UBAP2: variants seen among roughly 807,000 people sequenced by gnomAD.
UBAP2 encodes ubiquitin associated protein 2.
In UBAP2, 75 loss-of-function variants were observed where a neutral mutation model predicts 139.6. The ratio of observed to expected loss-of-function variants is 0.54; its 90% CI spans 0.45 to 0.65. The LOEUF (loss-of-function observed/expected upper bound fraction) is 0.65. Ranked by LOEUF, UBAP2 falls within the 30% of genes least tolerant of loss-of-function variation. UBAP2 has a pLI of 0.00. For missense variants in UBAP2, 1,368 were observed against 1,369.6 expected (o/e 1.00, Z 0.02); for synonymous variants, 526 against 526.2 (o/e 1.00, Z 0.01).
chr9:33,944,067 G>A (rs1345349836), intron 14 of UBAP2, among the ~76,000 whole-genome samples: 5 of 152,086 alleles, frequency 3.3e-5, no homozygotes, highest in African/African-American at 9.7e-5. Context: ...AGTATCACCT[G>A]GTCAAGGAAC....
At chr9:34,006,461 C>T (rs1823229377) in intron 2 of UBAP2, among the ~76,000 whole-genome samples, 5 of 152,126 alleles carry the variant, frequency 3.3e-5, no homozygotes. Flanking sequence ...AGGCAGATTG[C>T]TCGAGCTCAG....
At chr9:33,960,959 T>C in intron 9 of UBAP2, 81 bp from the exon 10 acceptor site, 1 of 1,401,022 alleles carries the variant, frequency 7.1e-7, no homozygotes. Flanking sequence ...TTTTGTGTAC[T>C]ATGCGGGGAA....
Position 33,943,312 on chromosome 9 carries a change from G to A in UBAP2, c.1715+108C>T, listed in dbSNP as rs2130932465. ...GGGTTTCTTATGGAGATGATGGAAG[G>A]TCTGGATAAACACTGAGGATAGCTA... On this transcript the variant is annotated intron_variant, in intron 15 of 28. Coordinates refer to ENST00000379238, the MANE Select transcript of UBAP2 (RefSeq NM_001370062.2). 5 of 1,122,320 alleles carry A rather than the reference G, an allele frequency of 4.5e-6. No individual in the cohort carries two copies. In the South Asian group the frequency reaches 8.8e-5, roughly 20 times the overall value. The allele number at this position is 1,122,320 out of a possible 1,614,324, so 69.5% of individuals were successfully genotyped here. A position where few individuals can be genotyped will look rare whatever the true frequency, so the allele number is the denominator to read the frequency against.
intron 2 of UBAP2, among the ~76,000 whole-genome samples, chr9:34,001,336 G>A (rs986575474): frequency 6.6e-6 from 1 of 152,176 alleles, no homozygotes; most frequent in Non-Finnish European, 1.5e-5. Context: ...CACAAAGAAG[G>A]TTGGGAGTTT....
intron 2 of UBAP2, among the ~76,000 whole-genome samples, chr9:34,001,592 C>T (rs960310801): frequency 1.3e-5 from 2 of 152,168 alleles, no homozygotes; most frequent in African/African-American, 4.8e-5. Context: ...ACTTTTTTAC[C>T]GTAACCCTTG....
intron 6 of UBAP2, among the ~76,000 whole-genome samples, chr9:33,981,150 TATATATATTCTGG>T (rs1258137749): frequency 2.4e-5 from 1 of 41,962 alleles, no homozygotes; most frequent in East Asian, 5.7e-4. Context: ...TGGATATATA[TATATATATTCTGG>T]ATATATATAT....
rs890058890 is a variant in UBAP2, at chr9:33,945,224, C to T, written c.1271-585G>A. Among the ~76,000 whole-genome samples, 8 of 151,966 alleles carry T rather than the reference C, an allele frequency of 5.3e-5. No individual in the cohort carries two copies. In the South Asian group the frequency reaches 1.0e-3, roughly 20 times the overall value. ...TTACAAAATCCAAAAGATGGCTGGG[C>T]GCAGTGGCTCACGCCTGTAATCCCA... is the stretch of plus-strand genomic sequence containing the variant. On this transcript the variant is annotated intron_variant, in intron 13 of 28. Coordinates refer to ENST00000379238, the MANE Select transcript of UBAP2 (RefSeq NM_001370062.2).
chr9:33,944,236 A>C, intron 14 of UBAP2, 129 bp downstream of exon 14: 1 of 1,265,168 alleles, frequency 7.9e-7, no homozygotes, highest in Non-Finnish European at 1.1e-6. Flanking sequence ...CCATATCCTT[A>C]TTATGCAATC....
At chr9:33,927,178 A>C in intron 20 of UBAP2, 98 bp from the exon 21 acceptor site, 1 of 895,520 alleles carries the variant, frequency 1.1e-6, no homozygotes, top group East Asian at 2.6e-5. Context: ...GAGCTACCCC[A>C]GATGGGTTCA....
chr9:33,952,145 A>T (rs904121175), intron 12 of UBAP2, among the ~76,000 whole-genome samples: 2 of 152,244 alleles, frequency 1.3e-5, no homozygotes, highest in African/African-American at 4.8e-5. Flanking sequence ...TTTCTCAGCA[A>T]TAAATTTCAG....
At chr9:33,933,251 C>G (rs1270547275) in intron 18 of UBAP2, among the ~76,000 whole-genome samples, 1 of 152,166 alleles carries the variant, frequency 6.6e-6, no homozygotes, top group African/African-American at 2.4e-5. Flanking sequence ...TGGCCTCACC[C>G]TACTCCCAGG....
In UBAP2 at chr9:33,925,615, C is replaced by T. The variant is rs570742555; in HGVS notation, c.2511+1002G>A. Among the ~76,000 whole-genome samples the T allele has an allele frequency of 1.5e-4, 23 of 152,302 alleles. No individual in the cohort carries two copies. The South Asian group carries it at 4.8e-3, about 32-fold the overall frequency. On this transcript the variant is annotated intron_variant, in intron 22 of 28. Coordinates refer to ENST00000379238, the MANE Select transcript of UBAP2 (RefSeq NM_001370062.2). ...CTTTGGCCGGCAGATTAAAGGGCTG[C>T]TGGTTTGCACAGTGGGGAGAAGCCG...
intron 2 of UBAP2, among the ~76,000 whole-genome samples, chr9:34,016,649 G>A (rs1824376766): frequency 6.6e-6 from 1 of 151,464 alleles, no homozygotes; most frequent in Non-Finnish European, 1.5e-5. Context: ...TCTGCCTCCT[G>A]AGTTCAAGCG....
intron 20 of UBAP2, among the ~76,000 whole-genome samples, chr9:33,927,337 T>A (rs571665324): frequency 9.2e-5 from 14 of 151,980 alleles, no homozygotes; most frequent in Admixed American, 8.5e-4. Flanking sequence ...GTCCCTAAGG[T>A]CCCACTGCAC....
At chr9:34,020,953 TTC>T (rs1297239529) in intron 1 of UBAP2, among the ~76,000 whole-genome samples, 2 of 152,150 alleles carry the variant, frequency 1.3e-5, no homozygotes, top group Non-Finnish European at 2.9e-5. Context: ...CCGGCCGGAA[TTC>T]TGTTTTCTAG....
chr9:34,026,062 G>A (rs912091150), intron 1 of UBAP2, among the ~76,000 whole-genome samples: 2 of 152,042 alleles, frequency 1.3e-5, no homozygotes, highest in African/African-American at 4.8e-5. Flanking sequence ...AAACACGGTC[G>A]GGTAAAAACT....
At chr9:33,936,152 C>T (rs973032685) in intron 16 of UBAP2, among the ~76,000 whole-genome samples, 1 of 151,986 alleles carries the variant, frequency 6.6e-6, no homozygotes, top group Non-Finnish European at 1.5e-5. Flanking sequence ...CTAGCTAATT[C>T]TTGTATTTTC....
At position 33,941,876 on chromosome 9, in the gene UBAP2, A is replaced by T. The variant is rs553443716; in HGVS notation, c.1716-14T>A. On this transcript the variant is annotated splice_polypyrimidine_tract_variant and intron_variant, in intron 15 of 28. Coordinates refer to ENST00000379238, the MANE Select transcript of UBAP2 (RefSeq NM_001370062.2). ...TTCAAAGGCTCACTGAAAAGAGTCA[A>T]AAATATTCAACATAATTTTGTTACT... The T allele has an allele frequency of 1.0e-3, 1,670 of 1,595,604 alleles. 32 individuals carry two copies. In the South Asian group the frequency reaches 0.018, roughly 17 times the overall value.
At chr9:33,937,585 G>A (rs1461614613) in intron 16 of UBAP2, among the ~76,000 whole-genome samples, 1 of 125,288 alleles carries the variant, frequency 8.0e-6, no homozygotes, top group Admixed American at 9.1e-5. Flanking sequence ...GGGCGATAGA[G>A]CCAGACTCTG....
Sources: gnomAD v4.1 joint callset for allele counts (sites outside exome capture counted in the v4.1 genomes callset) on GRCh38, gnomAD v4.1.1 for gene constraint, MANE v1.5 for transcripts, NCBI Gene and HGNC (gene_info 2026-07-23, HGNC 2026-07-21) for gene names.